Variants in KIAA1328 observed in about 807,000 individuals in gnomAD.
KIAA1328 encodes the protein protein hinderin.
KIAA1328 carries 52 observed loss-of-function variants against 68.1 expected under a neutral mutation model. The ratio of observed to expected loss-of-function variants is 0.76; its 90% CI spans 0.61 to 0.96. KIAA1328 has a LOEUF of 0.96. Ranked by LOEUF, KIAA1328 falls within the 40% of genes least tolerant of loss-of-function variation. The pLI, the probability that KIAA1328 is intolerant of heterozygous loss-of-function variation, is 0.00. For synonymous variants in KIAA1328, 232 were observed against 239.4 expected (o/e 0.97, Z 0.28); for missense variants, 641 against 677.6 (o/e 0.95, Z 0.60).
At chr18:37,192,040 TAGC>T (rs2059914678) in intron 9 of KIAA1328, among the ~76,000 whole-genome samples, 1 of 152,190 alleles carries the variant, frequency 6.6e-6, no homozygotes, top group Non-Finnish European at 1.5e-5. Flanking sequence ...GCTTCAACTG[TAGC>T]ACTAAGTCCG....
chr18:36,993,577 T>C (rs949160358), intron 6 of KIAA1328, among the ~76,000 whole-genome samples: 3 of 152,078 alleles, frequency 2.0e-5, no homozygotes, highest in Admixed American at 6.6e-5. Flanking sequence ...ATTACACTTA[T>C]CCAAAGTTTG....
At chr18:37,211,129 A>G (rs918872346) in intron 9 of KIAA1328, among the ~76,000 whole-genome samples, 2 of 152,250 alleles carry the variant, frequency 1.3e-5, no homozygotes, top group African/African-American at 4.8e-5. Context: ...TACTTTTAAA[A>G]TAAAATGTAG....
chr18:37,151,141 A>G (rs1174552848), intron 7 of KIAA1328, among the ~76,000 whole-genome samples: 2 of 152,180 alleles, frequency 1.3e-5, no homozygotes, highest in Non-Finnish European at 2.9e-5. Flanking sequence ...TTTCTATATA[A>G]TAACAGTAAT....
chr18:36,914,503 CA>C (rs2049602132), intron 5 of KIAA1328, among the ~76,000 whole-genome samples: 1 of 152,034 alleles, frequency 6.6e-6, no homozygotes, highest in African/African-American at 2.4e-5. Flanking sequence ...GGGGGGATCA[CA>C]AGGTCAGGAG....
Position 37,086,830 on chromosome 18 carries a change from A to C in KIAA1328, c.1232+19285A>C, listed in dbSNP as rs545568619. Among the ~76,000 whole-genome samples the C allele has an allele frequency of 2.6e-5, 4 of 152,322 alleles. No homozygotes were observed. The South Asian group carries it at 8.3e-4, about 32-fold the overall frequency. On this transcript the variant is annotated intron_variant, in intron 7 of 9. Coordinates refer to ENST00000280020, the MANE Select transcript of KIAA1328 (RefSeq NM_020776.3). ...ATGTGACCTATTCCCCATCACAACT[A>C]TTAGGACTTATCTTTCTCTAAAATT...
intron 6 of KIAA1328, among the ~76,000 whole-genome samples, chr18:36,975,919 T>C (rs1055238556): frequency 1.3e-5 from 2 of 152,234 alleles, no homozygotes; most frequent in East Asian, 1.9e-4. Context: ...CCTTTATGTC[T>C]ATCTTAGATA....
intron 7 of KIAA1328, among the ~76,000 whole-genome samples, chr18:37,078,666 A>G (rs1461594188): frequency 1.2e-4 from 18 of 148,770 alleles, no homozygotes; most frequent in Middle Eastern, 3.5e-3. Flanking sequence ...AAAAGTGGGC[A>G]AAGGACATGA....
chr18:37,038,610 A>T (rs570840561), intron 6 of KIAA1328, among the ~76,000 whole-genome samples: 30 of 152,022 alleles, frequency 2.0e-4, no homozygotes, highest in Admixed American at 1.4e-3. Context: ...CATTTTGTTT[A>T]TAGATTTCTT....
At chr18:36,917,719 C>T (rs895249613) in intron 5 of KIAA1328, among the ~76,000 whole-genome samples, 1 of 152,092 alleles carries the variant, frequency 6.6e-6, no homozygotes, top group Non-Finnish European at 1.5e-5. Flanking sequence ...CAGTTCCTTT[C>T]TCCTTCCTTC....
In KIAA1328 at chr18:37,224,793, G is replaced by A. The variant is rs181847955; in HGVS notation, c.*2566G>A. 2 of 985,382 alleles carry A rather than the reference G, an allele frequency of 2.0e-6. No homozygotes were observed. Among genetic ancestry groups the A allele is most frequent in the East Asian group, 1.1e-4 (1 of 8,804 alleles). 61.0% of individuals were successfully genotyped at this position (985,382 alleles called of 1,614,324 possible). On this transcript the variant is annotated 3_prime_UTR_variant, in exon 10 of 10. Transcript: ENST00000280020. ...AAGCAAGACTGGACACATGCCGAGG[G>A]CGTTGCGGATAGTGCCTCACCATTG...
At position 37,199,085 on chromosome 18, in the gene KIAA1328, G is replaced by GT. The variant is rs551974263; in HGVS notation, c.1524-22926dup. Among the ~76,000 whole-genome samples, 304 of 152,282 alleles carry GT rather than the reference G, an allele frequency of 2.0e-3. 2 individuals are homozygous for GT. The highest frequency in any genetic ancestry group is 9.7e-3 in the South Asian group (47 of 4,828). The stretch of plus-strand genomic sequence containing the variant: ...GAGAGATCAAGAAGACAGAGGACAT[G>GT]TTTTTTGTTTTTTAACTTTTAAGTT... On this transcript the variant is annotated intron_variant, in intron 9 of 9. Coordinates refer to ENST00000280020, the MANE Select transcript of KIAA1328 (RefSeq NM_020776.3).
chr18:37,059,959 T>A (rs1175923591), intron 6 of KIAA1328, among the ~76,000 whole-genome samples: 1 of 150,468 alleles, frequency 6.6e-6, no homozygotes, highest in Middle Eastern at 3.2e-3. Flanking sequence ...AAACACTACA[T>A]GTTCTCACTC....
chr18:36,870,917 G>C (rs1048778633), intron 4 of KIAA1328, among the ~76,000 whole-genome samples: 5 of 152,170 alleles, frequency 3.3e-5, no homozygotes, highest in African/African-American at 1.2e-4. Context: ...GTGTTAGAAT[G>C]CCCAAGGGGC....
chr18:36,922,970 T>C (rs2049982831), intron 5 of KIAA1328, among the ~76,000 whole-genome samples: 1 of 152,138 alleles, frequency 6.6e-6, no homozygotes, highest in South Asian at 2.1e-4. Context: ...CACTTTAATA[T>C]TATATATAGT....
At chr18:36,991,683 G>A (rs997851211) in intron 6 of KIAA1328, among the ~76,000 whole-genome samples, 1 of 152,178 alleles carries the variant, frequency 6.6e-6, no homozygotes, top group African/African-American at 2.4e-5. Flanking sequence ...GATTGTGCCT[G>A]TGGTCATACT....
chr18:36,874,822 C>T (rs1047447107), intron 4 of KIAA1328, among the ~76,000 whole-genome samples: 7 of 152,100 alleles, frequency 4.6e-5, no homozygotes, highest in African/African-American at 1.7e-4. Flanking sequence ...TTAGGTCTTA[C>T]GTTTAAGTCT....
At chr18:37,199,213 A>G (rs2060061234) in intron 9 of KIAA1328, among the ~76,000 whole-genome samples, 1 of 152,150 alleles carries the variant, frequency 6.6e-6, no homozygotes, top group Non-Finnish European at 1.5e-5. Context: ...GAAGCCTAGT[A>G]TCCATTAGCT....
intron 6 of KIAA1328, among the ~76,000 whole-genome samples, chr18:37,058,909 T>C (rs1238616582): frequency 1.3e-5 from 2 of 152,040 alleles, no homozygotes; most frequent in African/African-American, 4.8e-5. Flanking sequence ...GTTGTGTTTT[T>C]TTTTTCTTGG....
intron 7 of KIAA1328, among the ~76,000 whole-genome samples, chr18:37,112,963 A>C (rs1302737483): frequency 1.3e-5 from 2 of 152,202 alleles, no homozygotes; most frequent in Non-Finnish European, 2.9e-5. Flanking sequence ...TAGAGAAAAA[A>C]GAGTAAAAAG....
Sources: gnomAD v4.1 joint callset for allele counts (sites outside exome capture counted in the v4.1 genomes callset) on GRCh38, gnomAD v4.1.1 for gene constraint, MANE v1.5 for transcripts, NCBI Gene and HGNC (gene_info 2026-07-23, HGNC 2026-07-21) for gene names.